Variants in IFNAR2 observed in about 807,000 individuals in gnomAD.
The protein encoded by IFNAR2 is interferon alpha and beta receptor subunit 2, also known as interferon alpha/beta receptor 2.
A neutral mutation model predicts 49.4 loss-of-function variants in IFNAR2; 30 were observed. That is an observed-to-expected ratio of 0.61 (90% CI 0.45 to 0.82). IFNAR2 has a LOEUF of 0.82. IFNAR2 is among the 40% of genes least tolerant of loss of function. The probability of loss-of-function intolerance (pLI) is 0.00; values close to 1 mark genes in which losing one functional copy is unlikely to be tolerated. For missense variants in IFNAR2, 600 were observed against 622.7 expected (o/e 0.96, Z 0.39); for synonymous variants, 224 against 234.5 (o/e 0.96, Z 0.41).
intron 2 of IFNAR2, among the ~76,000 whole-genome samples, chr21:33,243,230 G>A (rs1054718251): frequency 6.6e-6 from 1 of 151,928 alleles, no homozygotes; most frequent in Admixed American, 6.6e-5. Context: ...CTGCAGGTGT[G>A]CACCACCACA....
chr21:33,255,536 AG>A (rs1422455204), intron 7 of IFNAR2, among the ~76,000 whole-genome samples: 1 of 152,226 alleles, frequency 6.6e-6, no homozygotes, highest in Non-Finnish European at 1.5e-5. Flanking sequence ...GCCATTGAAG[AG>A]GTGCACAGGA....
At chr21:33,232,475 G>A (rs1986134228) in intron 1 of IFNAR2, among the ~76,000 whole-genome samples, 1 of 152,074 alleles carries the variant, frequency 6.6e-6, no homozygotes, top group African/African-American at 2.4e-5. Context: ...CCACAAGCCA[G>A]GGTTTTATCA....
rs1985907471 is a variant in IFNAR2 at position 33,230,008 on chromosome 21, A to C, written c.-292A>C. 1 of 984,546 alleles carries C rather than the reference A, an allele frequency of 1.0e-6. No individual in the cohort carries two copies. The highest frequency in any genetic ancestry group is 1.8e-5 in the African/African-American group (1 of 57,056). The allele number at this position is 984,546 out of a possible 1,614,324, so 61.0% of individuals were successfully genotyped here. A position where few individuals can be genotyped will look rare whatever the true frequency, so the allele number is the denominator to read the frequency against. On this transcript the variant is annotated 5_prime_UTR_variant, in exon 1 of 9. Coordinates refer to ENST00000342136, the MANE Select transcript of IFNAR2 (RefSeq NM_001289125.3). This position sits in a 1 kb window ranked among gnomAD's most constrained non-coding sequence, Gnocchi z 5.5. ...AAGACGCTTCTTCCCGGCGGGTAGG[A>C]ATCCCGCCGGCGAGCCGAACAGTTC...
rs752913293 is a variant in IFNAR2 at position 33,246,849 on chromosome 21, C to T, written c.353C>T (p.Thr118Met). The T allele has an allele frequency of 8.1e-6, 13 of 1,614,114 alleles. No individual in the cohort carries two copies. The highest frequency in any genetic ancestry group is 1.6e-4 in the Middle Eastern group (1 of 6,084). The change falls in exon 5 of 9, where the codon ACG becomes ATG. Residue 118 changes from threonine to methionine, a missense_variant. Coordinates refer to ENST00000342136, the MANE Select transcript of IFNAR2 (RefSeq NM_001289125.3). The part of the protein sequence containing the change: ...TVLEGFSGNT[T>M]LFSCSHNFWL... ...CTAGAAGGATTCAGCGGGAACACAA[C>T]GTTGTTCAGTTGCTCACACAATTTC...
At chr21:33,251,556 C>G (rs931636280) in intron 6 of IFNAR2, 7 of 985,034 alleles carry the variant, frequency 7.1e-6, no homozygotes, top group Non-Finnish European at 8.4e-6. Flanking sequence ...TTTGTTGGGT[C>G]GTAAGTTTGT....
At chr21:33,240,415 A>G (rs1378490159) in intron 1 of IFNAR2, among the ~76,000 whole-genome samples, 1 of 152,198 alleles carries the variant, frequency 6.6e-6, no homozygotes, top group Non-Finnish European at 1.5e-5. Flanking sequence ...GTCTAAGTAT[A>G]CTCTGATGTT....
intron 2 of IFNAR2, 141 bp from the exon 3 acceptor site, chr21:33,243,532 A>C: frequency 1.4e-6 from 1 of 724,078 alleles, no homozygotes; most frequent in Non-Finnish European, 2.5e-6. Flanking sequence ...AAAACCATCT[A>C]TGTGGGCATT....
At chr21:33,231,160 C>T (rs1311706597) in intron 1 of IFNAR2, among the ~76,000 whole-genome samples, 1 of 152,188 alleles carries the variant, frequency 6.6e-6, no homozygotes, top group Non-Finnish European at 1.5e-5. Context: ...CTAAGTCCCA[C>T]TGCTTGCCAA....
chr21:33,247,395 G>A (rs1225213742), intron 5 of IFNAR2, among the ~76,000 whole-genome samples: 1 of 151,738 alleles, frequency 6.6e-6, no homozygotes, highest in Non-Finnish European at 1.5e-5. Flanking sequence ...GGGATTACAA[G>A]CACACACCAC....
At chr21:33,232,892 C>T in intron 1 of IFNAR2, 1 of 848,922 alleles carries the variant, frequency 1.2e-6, no homozygotes. Flanking sequence ...GGTACTAAAG[C>T]CAAACTAGTA....
chr21:33,253,629 T>G (rs1988014771), intron 7 of IFNAR2, among the ~76,000 whole-genome samples: 1 of 152,080 alleles, frequency 6.6e-6, no homozygotes, highest in South Asian at 2.1e-4. Context: ...ATTAGGAAAG[T>G]AAAGGAGTAA....
intron 5 of IFNAR2, among the ~76,000 whole-genome samples, chr21:33,247,874 A>T (rs1463882854): frequency 6.6e-6 from 1 of 152,210 alleles, no homozygotes; most frequent in East Asian, 1.9e-4. Flanking sequence ...AGGATAACTG[A>T]ATCCCCCTGT....
At chr21:33,233,868 T>C (rs1470749715) in intron 1 of IFNAR2, among the ~76,000 whole-genome samples, 1 of 150,838 alleles carries the variant, frequency 6.6e-6, no homozygotes, top group African/African-American at 2.4e-5. Context: ...GTGGGTAAGA[T>C]AGAATGCGAT....
chr21:33,246,700 A>AT lies in IFNAR2; in HGVS notation c.222-11dup. On this transcript the variant is annotated splice_polypyrimidine_tract_variant and intron_variant, in intron 4 of 8. Coordinates refer to ENST00000342136, the MANE Select transcript of IFNAR2 (RefSeq NM_001289125.3). Reference sequence around the variant, plus strand: ...TCAATGCTAACAATTTCCTTTTTCCATTTTTTTCTTTCCAAAGTAAACCAG... The same window carrying AT: ...TCAATGCTAACAATTTCCTTTTTCCATTTTTTTTCTTTCCAAAGTAAACCAG... The AT allele has an allele frequency of 6.2e-7, 1 of 1,600,034 alleles. No homozygotes were observed. Among genetic ancestry groups the AT allele is most frequent in the Non-Finnish European group, 8.5e-7 (1 of 1,173,770 alleles).
At position 33,263,605 on chromosome 21, in the gene IFNAR2, G is replaced by A. The variant is rs938546732; in HGVS notation, c.*105G>A. The A allele has an allele frequency of 3.6e-6, 4 of 1,103,786 alleles. No individual in the cohort carries two copies. Among genetic ancestry groups the A allele is most frequent in the Non-Finnish European group, 5.1e-6 (4 of 789,832 alleles). The allele number at this position is 1,103,786 out of a possible 1,614,324, so 68.4% of individuals were successfully genotyped here. A position where few individuals can be genotyped will look rare whatever the true frequency, so the allele number is the denominator to read the frequency against. On this transcript the variant is annotated 3_prime_UTR_variant, in exon 9 of 9. Coordinates refer to ENST00000342136, the MANE Select transcript of IFNAR2 (RefSeq NM_001289125.3). Reference sequence around the variant, plus strand: ...CGTCTGCAAGTGTTCTCCAAGGGAAGGAGGAGGAAACTGTGGTGTTCCTTT... The same window carrying A: ...CGTCTGCAAGTGTTCTCCAAGGGAAAGAGGAGGAAACTGTGGTGTTCCTTT...
At chr21:33,239,089 C>T (rs1986711033) in intron 1 of IFNAR2, among the ~76,000 whole-genome samples, 1 of 152,164 alleles carries the variant, frequency 6.6e-6, no homozygotes, top group African/African-American at 2.4e-5. Flanking sequence ...GTCAGTGTGA[C>T]AGTTTCTATC....
intron 7 of IFNAR2, among the ~76,000 whole-genome samples, chr21:33,258,300 G>T (rs1215293722): frequency 6.6e-6 from 1 of 152,092 alleles, no homozygotes; most frequent in East Asian, 1.9e-4. Flanking sequence ...GCAAGACTGT[G>T]TCTCAACAAA....
intron 1 of IFNAR2, among the ~76,000 whole-genome samples, chr21:33,241,621 C>T (rs1986932188): frequency 7.2e-6 from 1 of 139,106 alleles, no homozygotes; most frequent in Admixed American, 7.6e-5. Flanking sequence ...GGGAGCAAGA[C>T]TTTTCACAAT....
At chr21:33,242,593 C>T (rs1406309008) in intron 2 of IFNAR2, among the ~76,000 whole-genome samples, 3 of 150,900 alleles carry the variant, frequency 2.0e-5, no homozygotes, top group Non-Finnish European at 4.4e-5. Context: ...ATTAGGCGGG[C>T]GTGGTGGCGG....
Sources: allele counts gnomAD v4.1 joint callset (sites outside exome capture counted in the v4.1 genomes callset), GRCh38; gene constraint gnomAD v4.1.1; non-coding constraint Gnocchi (gnomAD v3.1); transcripts MANE v1.5; gene names NCBI Gene and HGNC (gene_info 2026-07-23, HGNC 2026-07-21).